The following USP34 variants were observed in gnomAD, a reference collection of about 807,000 sequenced individuals.
USP34 encodes the protein ubiquitin carboxyl-terminal hydrolase 34.
Under a neutral mutation model 460.3 loss-of-function variants are expected in USP34, and 70 were observed. That is an observed-to-expected ratio of 0.15 (90% CI 0.13 to 0.19). The LOEUF (loss-of-function observed/expected upper bound fraction) is 0.19, where lower values mean the gene tolerates loss of function less well. USP34 is among the 10% of genes least tolerant of loss of function. USP34 has a pLI of 1.00. For missense variants in USP34, 3,985 were observed against 4,236.2 expected (o/e 0.94, Z 1.65); for synonymous variants, 1,647 against 1,405.3 (o/e 1.17, Z -3.85).
chr2:61,289,287 C>T (rs754364339), intron 33 of USP34, among the ~76,000 whole-genome samples: 29 of 152,056 alleles, frequency 1.9e-4, no homozygotes, highest in Non-Finnish European at 3.7e-4. Context: ...TGTCTCCCAA[C>T]GAGTGGCACA....
intron 3 of USP34, among the ~76,000 whole-genome samples, 165 bp downstream of exon 3, chr2:61,405,543 T>G (rs911588050): frequency 6.6e-6 from 1 of 152,214 alleles, no homozygotes; most frequent in African/African-American, 2.4e-5. Context: ...GAGCAAATTT[T>G]CAGCACAAAC....
intron 2 of USP34, 105 bp downstream of exon 2, chr2:61,420,641 A>C (rs541266150): frequency 3.3e-6 from 2 of 609,996 alleles, no homozygotes; most frequent in South Asian, 5.9e-5. Flanking sequence ...TTTAGTAACT[A>C]ATGGTATCTA....
intron 21 of USP34, among the ~76,000 whole-genome samples, chr2:61,324,008 C>A (rs1377086244): frequency 6.6e-6 from 1 of 152,176 alleles, no homozygotes; most frequent in African/African-American, 2.4e-5. Context: ...CAGTATATCT[C>A]AAGCATAGGT....
Position 61,283,210 on chromosome 2 carries a change from A to T in USP34, c.4933T>A (p.Ser1645Thr), listed in dbSNP as rs773692477. The T allele has an allele frequency of 2.2e-5, 36 of 1,613,750 alleles. No homozygotes were observed. The highest frequency in any genetic ancestry group is 3.0e-5 in the Non-Finnish European group (35 of 1,179,806). ...SWAHCCSLVK[S>T]SLADSDHLQD... ...AAATGATCGCTATCAGCAAGGCTAG[A>T]TTTCACTAAAGAACAGCAATGAGCC... The change falls in exon 37 of 80, where the codon TCT (serine) becomes ACT (threonine). Residue 1645 changes from serine (S) to threonine (T), a missense_variant. Ser to Thr is a moderately conservative substitution (Grantham distance 58, BLOSUM62 1). Around this residue, in one of 14 missense-constraint regions of USP34, gnomAD observed 1,114 missense variants for 1,122.5 expected, o/e 0.99. Transcript: ENST00000398571.
chr2:61,464,481 G>A (rs1396851819), intron 1 of USP34, among the ~76,000 whole-genome samples: 1 of 152,076 alleles, frequency 6.6e-6, no homozygotes, highest in Non-Finnish European at 1.5e-5. Context: ...AATGGTATTG[G>A]GATACAACAC....
At chr2:61,411,702 C>T (rs1694045183) in intron 2 of USP34, among the ~76,000 whole-genome samples, 1 of 152,024 alleles carries the variant, frequency 6.6e-6, no homozygotes, top group Admixed American at 6.6e-5. Context: ...ATAGAAAAAG[C>T]CCGTTTAGCC....
intron 3 of USP34, among the ~76,000 whole-genome samples, chr2:61,405,232 CAAAAAAAAAAAA>C (rs199659618): frequency 5.1e-5 from 4 of 78,058 alleles, no homozygotes; most frequent in Admixed American, 1.9e-4. Flanking sequence ...GACTCCATCT[CAAAAAAAAAAAA>C]AAAAAAAAAA....
chr2:61,452,800 G>C (rs1329106671), intron 1 of USP34, among the ~76,000 whole-genome samples: 2 of 150,674 alleles, frequency 1.3e-5, no homozygotes, highest in East Asian at 2.0e-4. Flanking sequence ...TAAGAGGATC[G>C]CTTGAGCCTC....
chr2:61,305,139 T>C (rs1690363070), intron 27 of USP34, among the ~76,000 whole-genome samples: 1 of 151,882 alleles, frequency 6.6e-6, no homozygotes, highest in Admixed American at 6.6e-5. Flanking sequence ...GCCTGGCCAA[T>C]ATGATGAAAC....
chr2:61,395,654 C>T (rs928471087), intron 3 of USP34, among the ~76,000 whole-genome samples: 2 of 149,268 alleles, frequency 1.3e-5, no homozygotes, highest in Non-Finnish European at 3.0e-5. Flanking sequence ...GGCGCAGTGG[C>T]GGGCGCCTGT....
intron 1 of USP34, among the ~76,000 whole-genome samples, chr2:61,428,114 A>G (rs901289368): frequency 1.3e-5 from 2 of 151,516 alleles, no homozygotes; most frequent in Non-Finnish European, 1.5e-5. Context: ...GCAGTGAACC[A>G]AGATTGCGCC....
intron 1 of USP34, among the ~76,000 whole-genome samples, chr2:61,444,877 C>T (rs1460272205): frequency 6.6e-6 from 1 of 151,102 alleles, no homozygotes; most frequent in East Asian, 1.9e-4. Context: ...CTTCCTTCTG[C>T]CTTATCGTTT....
At chr2:61,302,399 C>A (rs976044801) in intron 27 of USP34, among the ~76,000 whole-genome samples, 1 of 152,070 alleles carries the variant, frequency 6.6e-6, no homozygotes, top group African/African-American at 2.4e-5. Context: ...GTTTTTCTTC[C>A]AAGACGAGTC....
chr2:61,301,568 CT>C, intron 27 of USP34, 114 bp from the exon 28 acceptor site: 1 of 930,546 alleles, frequency 1.1e-6, no homozygotes, highest in Non-Finnish European at 1.6e-6. Flanking sequence ...TAAATGTAAT[CT>C]AAGGTAAAGA....
Position 61,470,788 on chromosome 2 carries a change from C to T in USP34, c.-96G>A. On this transcript the variant is annotated 5_prime_UTR_variant, in exon 1 of 80. Transcript: ENST00000398571. ...GGAGAGAGGCGGAGGAGGGGGCCGG[C>T]CGGCCGGCGGGGCGGGGAGGCGACT... The T allele has an allele frequency of 3.8e-6, 4 of 1,063,778 alleles. No homozygotes were observed. The highest frequency in any genetic ancestry group is 2.3e-5 in the Admixed American group (1 of 42,706). The allele number at this position is 1,063,778 out of a possible 1,614,324, so 65.9% of individuals were successfully genotyped here.
intron 10 of USP34, among the ~76,000 whole-genome samples, chr2:61,364,496 T>C (rs982710309): frequency 2.0e-4 from 31 of 152,200 alleles, no homozygotes; most frequent in Admixed American, 1.9e-3. Flanking sequence ...TGGTGATAGT[T>C]ACACAACATT....
rs758752695 is a variant in USP34, at chr2:61,222,630, A to G, written c.7783T>C (p.Leu2595=). The stretch of plus-strand genomic sequence containing the variant: ...AAATGTTTACATACCTCAGGAGTCA[A>G]CTTTGCTATTGATGTGAAAAGCATA... The part of the protein sequence containing the change: ...VSMLFTSIAK[L]TPEAANPFFK... The change falls in exon 65 of 80, where the codon TTG becomes CTG. Residue 2595 remains leucine, a synonymous_variant. Transcript: ENST00000398571. The G allele has an allele frequency of 6.2e-7, 1 of 1,612,412 alleles. No homozygotes were observed. The highest frequency in any genetic ancestry group is 1.7e-5 in the Admixed American group (1 of 59,948).
chr2:61,339,562 T>C lies in USP34; in HGVS notation c.2616+4A>G. On this transcript the variant is annotated splice_donor_region_variant and intron_variant, in intron 17 of 79. Transcript: ENST00000398571. ...TACTCTTCTGGTTCTATTAAATAAC[T>C]TACTGCATCTTCATCTTGGACTATA... 1 of 1,567,670 alleles carries C rather than the reference T, an allele frequency of 6.4e-7. No homozygotes were observed. Among genetic ancestry groups the C allele is most frequent in the Non-Finnish European group, 8.6e-7 (1 of 1,164,026 alleles).
At chr2:61,458,695 C>G (rs1695509732) in intron 1 of USP34, among the ~76,000 whole-genome samples, 1 of 119,670 alleles carries the variant, frequency 8.4e-6, no homozygotes, top group African/African-American at 3.3e-5. Context: ...AGAGCCTTCA[C>G]AAGTCAAGGT....
Sources: allele counts gnomAD v4.1 joint callset (sites outside exome capture counted in the v4.1 genomes callset), GRCh38; gene constraint gnomAD v4.1.1; regional missense constraint gnomAD v4.1.1; transcripts MANE v1.5; gene names NCBI Gene and HGNC (gene_info 2026-07-23, HGNC 2026-07-21).